Variants in DLG2 observed in about 807,000 individuals in gnomAD.
DLG2 encodes the protein discs large MAGUK scaffold protein 2.
In DLG2, 45 loss-of-function variants were observed where a neutral mutation model predicts 132.5. The ratio of observed to expected loss-of-function variants is 0.34; its 90% CI spans 0.27 to 0.44. DLG2 has a LOEUF of 0.44. DLG2 is among the 20% of genes least tolerant of loss of function. The pLI is 1.00. For missense variants in DLG2, 1,045 were observed against 1,196.9 expected (o/e 0.87, Z 1.87); for synonymous variants, 424 against 419.6 (o/e 1.01, Z -0.13).
chr11:83,872,037 G>A (rs748722818), intron 16 of DLG2, among the ~76,000 whole-genome samples: 20 of 152,070 alleles, frequency 1.3e-4, no homozygotes, highest in Non-Finnish European at 2.4e-4. Flanking sequence ...AGGCTGGGGC[G>A]GGCAGATCAC....
At chr11:85,547,283 G>A (rs533585024) in intron 3 of DLG2, among the ~76,000 whole-genome samples, 1 of 152,154 alleles carries the variant, frequency 6.6e-6, no homozygotes, top group South Asian at 2.1e-4. Flanking sequence ...GAAATTCTGG[G>A]TTGAAAATTC....
intron 6 of DLG2, among the ~76,000 whole-genome samples, chr11:85,042,009 A>G (rs1214365143): frequency 6.6e-6 from 1 of 151,916 alleles, no homozygotes. Context: ...CAGGTATACT[A>G]AAAGCCCACA....
intron 17 of DLG2, among the ~76,000 whole-genome samples, chr11:83,797,950 T>C (rs957005316): frequency 3.3e-5 from 5 of 152,208 alleles, no homozygotes; most frequent in Non-Finnish European, 7.3e-5. Flanking sequence ...TATTTTAACG[T>C]CATTCTTGTG....
At chr11:85,494,281 G>A (rs2153111225) in intron 3 of DLG2, among the ~76,000 whole-genome samples, 1 of 151,934 alleles carries the variant, frequency 6.6e-6, no homozygotes, top group African/African-American at 2.4e-5. Context: ...TTGATTTTTG[G>A]TAAATTACCC....
rs5793114 is a variant in DLG2, at chr11:84,220,780, C to CTT, written c.573+30456_573+30457dup. 2.8e-3 allele frequency among the ~76,000 whole-genome samples: 218 copies of CTT among 77,500 alleles called. 3 individuals carry two copies. The highest frequency in any genetic ancestry group is 5.8e-3 in the African/African-American group (121 of 20,792). 50.8% of individuals were successfully genotyped at this position (77,500 alleles called of 152,430 possible). On this transcript the variant is annotated intron_variant, in intron 8 of 27. Coordinates refer to ENST00000376104, the MANE Select transcript of DLG2 (RefSeq NM_001142699.3). ...CGTGCTTTTTTTTTCTTTTTCTTTT[C>CTT]TTTTTTTTTTTTTTTTTTTTTGACA...
At chr11:85,343,632 T>A (rs373017933) in intron 3 of DLG2, among the ~76,000 whole-genome samples, 84 of 151,260 alleles carry the variant, frequency 5.6e-4, no homozygotes, top group South Asian at 5.0e-3. Flanking sequence ...TCTCTCTCTC[T>A]CACACACACA....
At chr11:84,301,676 A>AAAAAAAAT (rs1485326211) in intron 7 of DLG2, among the ~76,000 whole-genome samples, 1 of 147,736 alleles carries the variant, frequency 6.8e-6, no homozygotes. Flanking sequence ...AAAAAAAAAA[A>AAAAAAAAT]GTCAAGAAAC....
At chr11:84,722,381 C>T (rs1192780364) in intron 6 of DLG2, among the ~76,000 whole-genome samples, 1 of 152,124 alleles carries the variant, frequency 6.6e-6, no homozygotes, top group Non-Finnish European at 1.5e-5. Context: ...GGTATGCTTC[C>T]TCCTTAGAAA....
chr11:84,475,743 T>G (rs1303326723), intron 7 of DLG2, among the ~76,000 whole-genome samples: 1 of 152,080 alleles, frequency 6.6e-6, no homozygotes, highest in East Asian at 1.9e-4. Flanking sequence ...TATAAAGAGA[T>G]AGGAATGCAC....
At chr11:85,152,578 C>A (rs1161827595) in intron 5 of DLG2, among the ~76,000 whole-genome samples, 2 of 152,120 alleles carry the variant, frequency 1.3e-5, no homozygotes, top group East Asian at 3.9e-4. Flanking sequence ...GGCTACCGCA[C>A]CCAGCTCCAC....
chr11:85,531,278 A>C (rs1297056756), intron 3 of DLG2, among the ~76,000 whole-genome samples: 2 of 152,192 alleles, frequency 1.3e-5, no homozygotes, highest in Non-Finnish European at 2.9e-5. Context: ...AGGCTCTTTC[A>C]AGTGTTGCAG....
chr11:84,869,065 T>C (rs2085069102), intron 6 of DLG2, among the ~76,000 whole-genome samples: 5 of 152,182 alleles, frequency 3.3e-5, no homozygotes, highest in Admixed American at 3.3e-4. Flanking sequence ...CAGAGTAAAA[T>C]GTACATTTAG....
intron 7 of DLG2, among the ~76,000 whole-genome samples, chr11:84,430,746 TG>T (rs1297571219): frequency 6.6e-6 from 1 of 152,218 alleles, no homozygotes; most frequent in African/African-American, 2.4e-5. Context: ...GCAGCAGTTC[TG>T]GGACCTCAGA....
chr11:84,817,091 T>C (rs1023236312), intron 6 of DLG2, among the ~76,000 whole-genome samples: 1 of 151,962 alleles, frequency 6.6e-6, no homozygotes, highest in Admixed American at 6.6e-5. Flanking sequence ...CATGCAAACA[T>C]GAGTTTCGCT....
At chr11:83,782,924 G>T (rs999842404) in intron 18 of DLG2, among the ~76,000 whole-genome samples, 3 of 152,058 alleles carry the variant, frequency 2.0e-5, no homozygotes, top group Non-Finnish European at 2.9e-5. Flanking sequence ...CTGTGAAGTG[G>T]CATTACAGCA....
At chr11:84,693,776 G>A (rs1171842129) in intron 6 of DLG2, among the ~76,000 whole-genome samples, 1 of 151,522 alleles carries the variant, frequency 6.6e-6, no homozygotes, top group African/African-American at 2.4e-5. Flanking sequence ...ATTTTTCAAT[G>A]AGTCACACAG....
chr11:85,393,737 T>C (rs1374885757), intron 3 of DLG2, among the ~76,000 whole-genome samples: 3 of 152,050 alleles, frequency 2.0e-5, no homozygotes, highest in African/African-American at 7.2e-5. Flanking sequence ...GTATATAATA[T>C]GTATGTATAT....
At chr11:83,945,988 TCTCTC>T (rs1349760916) in intron 14 of DLG2, among the ~76,000 whole-genome samples, 1 of 125,486 alleles carries the variant, frequency 8.0e-6, no homozygotes, top group East Asian at 2.4e-4. Context: ...TCTTTCTCTC[TCTCTC>T]TTTTTTTTTT....
intron 18 of DLG2, among the ~76,000 whole-genome samples, chr11:83,723,539 C>A (rs1424821134): frequency 1.3e-5 from 2 of 152,056 alleles, no homozygotes; most frequent in Non-Finnish European, 2.9e-5. Flanking sequence ...GGGTGCAATG[C>A]TGTGGGTTTT....
Sources: gnomAD v4.1 joint callset for allele counts (sites outside exome capture counted in the v4.1 genomes callset) on GRCh38, gnomAD v4.1.1 for gene constraint, MANE v1.5 for transcripts, NCBI Gene and HGNC (gene_info 2026-07-23, HGNC 2026-07-21) for gene names.